Variants in ANK2 observed in about 807,000 individuals in gnomAD.
ANK2 encodes ankyrin-2.
Under a neutral mutation model 360.5 loss-of-function variants are expected in ANK2, and 83 were observed. The ratio of observed to expected loss-of-function variants is 0.23; its 90% CI spans 0.19 to 0.28. The LOEUF is 0.28. Ranked by LOEUF, ANK2 falls within the 10% of genes least tolerant of loss-of-function variation. ANK2 has a pLI of 1.00. For synonymous variants in ANK2, 1,740 were observed against 1,759.5 expected, an observed-to-expected ratio of 0.99 and a Z score of 0.28; for missense variants, 4,201 against 4,795.7, an observed-to-expected ratio of 0.88 and a Z score of 3.66.
At chr4:113,134,227 GAGTT>G (rs1489923160) in intron 1 of ANK2, among the ~76,000 whole-genome samples, 1 of 150,936 alleles carries the variant, frequency 6.6e-6, no homozygotes, top group African/African-American at 2.4e-5. Flanking sequence ...GGCTAGTTTG[GAGTT>G]AGTTTATTAA....
chr4:113,135,373 T>C (rs893174432), intron 1 of ANK2, among the ~76,000 whole-genome samples: 1 of 151,730 alleles, frequency 6.6e-6, no homozygotes. Flanking sequence ...AGGGATCTAG[T>C]GATGGATCCA....
At chr4:113,199,934 T>C in intron 4 of ANK2, among the ~76,000 whole-genome samples, 1 of 152,322 alleles carries the variant, frequency 6.6e-6, no homozygotes, top group East Asian at 1.9e-4. Context: ...ATTAACTGTA[T>C]AGTTCATTCA....
the ANK2 span, among the ~76,000 whole-genome samples, chr4:112,727,693 G>C: frequency 0.012 from 1,755 of 152,202 alleles, 26 homozygotes; most frequent in African/African-American, 0.039. Context: ...AGGATCGGCT[G>C]GGCGCCTGTA....
At chr4:113,350,996 G>T (rs1416584947) in intron 37 of ANK2, among the ~76,000 whole-genome samples, 5 of 152,026 alleles carry the variant, frequency 3.3e-5, no homozygotes, top group African/African-American at 1.2e-4. Context: ...GGTTTTGACA[G>T]ACCTTAAAAG....
At chr4:113,178,433 G>A (rs147835067) in intron 2 of ANK2, among the ~76,000 whole-genome samples, 61 of 151,906 alleles carry the variant, frequency 4.0e-4, no homozygotes, top group Middle Eastern at 3.4e-3. Context: ...TTAGCCGGGC[G>A]TGGCAGCAGG....
intron 42 of ANK2, among the ~76,000 whole-genome samples, chr4:113,368,754 T>C (rs4834330): frequency 0.076 from 11,504 of 152,234 alleles, 619 homozygotes; most frequent in Middle Eastern, 0.17. Flanking sequence ...CTTCTTCCAC[T>C]GAGCCACCCT....
intron 1 of ANK2, among the ~76,000 whole-genome samples, chr4:113,168,012 A>T (rs796877545): frequency 1.2e-4 from 18 of 152,306 alleles, no homozygotes; most frequent in African/African-American, 4.3e-4. Context: ...AAAGGAATTC[A>T]TGAATCTTGA....
chr4:112,765,564 CACTT>C, the ANK2 span, among the ~76,000 whole-genome samples: 1 of 151,970 alleles, frequency 6.6e-6, no homozygotes, highest in Non-Finnish European at 1.5e-5. Context: ...TCTTTCTACT[CACTT>C]AGCTCTTCTA....
intron 4 of ANK2, among the ~76,000 whole-genome samples, chr4:113,230,670 A>G (rs981344859): frequency 6.6e-6 from 1 of 152,230 alleles, no homozygotes; most frequent in African/African-American, 2.4e-5. Flanking sequence ...TTATTTCACA[A>G]GAAGGTTTTG....
At chr4:113,037,787 C>T (rs546497960) in intron 2 of ANK2, among the ~76,000 whole-genome samples, 92 of 152,000 alleles carry the variant, frequency 6.1e-4, no homozygotes, top group African/African-American at 2.1e-3. Flanking sequence ...TGAATAAGGC[C>T]TAAATAGAAG....
rs144046572 is a variant in ANK2, at chr4:113,369,688, G to T, written c.11493G>T (p.Glu3831Asp). The T allele has an allele frequency of 1.3e-4, 212 of 1,614,116 alleles. 1 individual carries two copies. In the African/African-American group the frequency reaches 2.7e-3, roughly 20 times the overall value. ...GGSPIIQEPE[E>D]PSEHREESSP... is the part of the protein sequence containing the mutation. ...CTCCCATCATACAAGAACCCGAAGA[G>T]CCCTCAGAGCACAGAGAGGAGAGCT... The change falls in exon 43 of 46, where the codon GAG becomes GAT. Residue 3831 changes from glutamate (E) to aspartate (D), a missense_variant. Glu to Asp is a conservative substitution (Grantham distance 45, BLOSUM62 2). This residue lies in a region of ANK2 where 2,642 missense variants were observed against 2,714.5 expected (regional missense o/e 0.97). Transcript: ENST00000357077.
At chr4:113,348,402 G>C in intron 36 of ANK2, 94 bp downstream of exon 36, 2 of 1,381,148 alleles carry the variant, frequency 1.4e-6, no homozygotes, top group East Asian at 4.6e-5. Context: ...AGACGGGGTA[G>C]GCGGTTCTTC....
chr4:113,382,315 T>TC lies in ANK2; in HGVS notation c.*846dup, dbSNP rs2097185543. 1 of 153,656 alleles carries TC rather than the reference T, an allele frequency of 6.5e-6. No individual in the cohort carries two copies. The highest frequency in any genetic ancestry group is 1.5e-5 in the Non-Finnish European group (1 of 68,774). 9.5% of individuals were successfully genotyped at this position (153,656 alleles called of 1,614,324 possible). A position where few individuals can be genotyped will look rare whatever the true frequency, so the allele number is the denominator to read the frequency against. ...GTGCTGGCCAGCCATGGCTTAGGAC[T>TC]CCAACAGCCACTCTGAGGGAGGGGA... On this transcript the variant is annotated 3_prime_UTR_variant, in exon 46 of 46. Transcript: ENST00000357077.
intron 6 of ANK2, 98 bp from the exon 7 acceptor site, chr4:113,237,501 T>C (rs1289115938): frequency 8.1e-7 from 1 of 1,231,018 alleles, no homozygotes; most frequent in East Asian, 2.3e-5. Context: ...TTTGCCATGT[T>C]GGAACAGTAT....
At chr4:113,196,244 C>CA in intron 2 of ANK2, 124 bp from the exon 3 acceptor site, 2 of 741,928 alleles carry the variant, frequency 2.7e-6, no homozygotes, top group Non-Finnish European at 4.5e-6. Context: ...GATTCTAATG[C>CA]AAAAAGGAAA....
intron 1 of ANK2, among the ~76,000 whole-genome samples, chr4:113,084,746 C>T (rs1429352761): frequency 6.6e-6 from 1 of 152,212 alleles, no homozygotes; most frequent in African/African-American, 2.4e-5. Flanking sequence ...ACGTGCAACA[C>T]ATTACCTTGT....
intron 1 of ANK2, among the ~76,000 whole-genome samples, chr4:113,121,380 T>C (rs2095343481): frequency 6.6e-6 from 1 of 152,026 alleles, no homozygotes; most frequent in Non-Finnish European, 1.5e-5. Flanking sequence ...AAATCACTTA[T>C]TCCACCAATG....
chr4:112,883,399 G>A (rs1052698021), intron 1 of ANK2, among the ~76,000 whole-genome samples: 2 of 152,146 alleles, frequency 1.3e-5, no homozygotes, highest in Admixed American at 6.5e-5. Flanking sequence ...ATGATCATGT[G>A]TGCTGCTTTT....
chr4:113,235,125 C>T lies in ANK2; in HGVS notation c.484-1862C>T, dbSNP rs190131074. Among the ~76,000 whole-genome samples the T allele has an allele frequency of 2.0e-5, 3 of 152,278 alleles. No homozygotes were observed. The East Asian group carries it at 5.8e-4, about 29-fold the overall frequency. ...TGTTCTGTGAGCAAATGCCTCATCT[C>T]TAAGAAAAAGATTAATTTCACACTC... On this transcript the variant is annotated intron_variant, in intron 5 of 45. Coordinates refer to ENST00000357077, the MANE Select transcript of ANK2 (RefSeq NM_001148.6).
Sources: gnomAD v4.1 joint callset for allele counts (sites outside exome capture counted in the v4.1 genomes callset) on GRCh38, gnomAD v4.1.1 for gene constraint, gnomAD v4.1.1 regional missense constraint, MANE v1.5 for transcripts, NCBI Gene and HGNC (gene_info 2026-07-23, HGNC 2026-07-21) for gene names.